The following CLVS1 variants were observed in gnomAD, a reference collection of about 807,000 sequenced individuals.
The protein encoded by CLVS1 is clavesin-1.
Under a neutral mutation model 33.1 loss-of-function variants are expected in CLVS1, and 10 were observed. The ratio of observed to expected loss-of-function variants is 0.30; its 90% confidence interval spans 0.19 to 0.51. The LOEUF (loss-of-function observed/expected upper bound fraction) is 0.51. Among genes scored for constraint, CLVS1 ranks in the 20% least tolerant of loss-of-function variants. CLVS1 has a pLI of 0.97. For synonymous variants in CLVS1, 163 were observed against 166.1 expected, an observed-to-expected ratio of 0.98 and a Z score of 0.14; for missense variants, 343 against 433.4, an observed-to-expected ratio of 0.79 and a Z score of 1.85.
At chr8:61,026,818 TTAAACTCTGTGGA>T in the CLVS1 span, among the ~76,000 whole-genome samples, 2 of 152,134 alleles carry the variant, frequency 1.3e-5, no homozygotes, top group Admixed American at 1.3e-4. Flanking sequence ...TGGAACAGAG[TTAAACTCTGTGGA>T]CCTGCAAATT....
the CLVS1 span, among the ~76,000 whole-genome samples, chr8:61,015,392 A>C: frequency 6.6e-6 from 1 of 152,302 alleles, no homozygotes; most frequent in Non-Finnish European, 1.5e-5. Flanking sequence ...GTTATATCCA[A>C]TGGTTTGTAT....
chr8:61,417,991 TA>T (rs1192865254), intron 3 of CLVS1, among the ~76,000 whole-genome samples: 3 of 152,214 alleles, frequency 2.0e-5, no homozygotes, highest in Non-Finnish European at 4.4e-5. Flanking sequence ...CCCTAAATCC[TA>T]ATAAGTTGCA....
intron 3 of CLVS1, among the ~76,000 whole-genome samples, chr8:61,405,883 G>T (rs1456341627): frequency 6.6e-6 from 1 of 151,924 alleles, no homozygotes; most frequent in Non-Finnish European, 1.5e-5. Context: ...CCTCTAAAGT[G>T]GTCTCATGGA....
chr8:61,199,063 T>C lies in CLVS1; in HGVS notation c.-152+67203T>C, dbSNP rs547064876. Among the ~76,000 whole-genome samples, 16 of 152,290 alleles carry C rather than the reference T, an allele frequency of 1.1e-4. No individual in the cohort carries two copies. The South Asian group carries it at 3.3e-3, about 32-fold the overall frequency. On this transcript the variant is annotated intron_variant, in intron 2 of 2. Transcript: ENST00000522621. ...AGGGTCTTTTTGGTATAATGACCTA[T>C]TTTCCTTTGGGCAGATACTCCGTAG...
rs201767040 is a variant in CLVS1, at chr8:61,478,310, A to G, written c.977+19768A>G. On this transcript the variant is annotated intron_variant, in intron 5 of 5. Coordinates refer to ENST00000325897, the MANE Select transcript of CLVS1 (RefSeq NM_173519.3). Reference sequence around the variant, plus strand: ...TATATTCTGTTGATTTGGGGTGGAGAGTTCTGTAGATGTCTATTAGGTCCA... The same window carrying G: ...TATATTCTGTTGATTTGGGGTGGAGGGTTCTGTAGATGTCTATTAGGTCCA... 1.2e-4 allele frequency among the ~76,000 whole-genome samples: 19 copies of G among 152,176 alleles called. No homozygotes were observed. In the East Asian group the frequency reaches 2.7e-3, roughly 22 times the overall value.
At chr8:61,232,024 T>TTTGTTTGTTTGTTTTG in intron 2 of CLVS1, among the ~76,000 whole-genome samples, 2 of 93,566 alleles carry the variant, frequency 2.1e-5, no homozygotes, top group African/African-American at 4.3e-5. Flanking sequence ...AAAGTTGTGG[T>TTTGTTTGTTTGTTTTG]TTTTTTTTTT....
chr8:61,284,912 A>G (rs901677959), upstream of CLVS1, among the ~76,000 whole-genome samples: 6 of 152,220 alleles, frequency 3.9e-5, no homozygotes, highest in African/African-American at 1.4e-4. Context: ...AGAGACTCAC[A>G]TACATTATGA....
At chr8:61,230,049 G>C (rs1164408001) in intron 2 of CLVS1, among the ~76,000 whole-genome samples, 1 of 152,182 alleles carries the variant, frequency 6.6e-6, no homozygotes, top group Non-Finnish European at 1.5e-5. Flanking sequence ...GAAGCTCTCT[G>C]TTACCAATGA....
At position 61,250,739 on chromosome 8, in the gene CLVS1, A is replaced by G. The variant is rs1808925522; in HGVS notation, c.-151-48938A>G. On this transcript the variant is annotated intron_variant, in intron 2 of 2. Transcript: ENST00000522621. ...TGTTTGTCTGTTATTGGTGTAAAGG[A>G]ATGCATGTGATTTTTGCACATTGAT... is the stretch of plus-strand genomic sequence containing the variant. Among the ~76,000 whole-genome samples the G allele has an allele frequency of 3.3e-5, 5 of 152,158 alleles. No homozygotes were observed. The South Asian group carries it at 1.0e-3, about 32-fold the overall frequency.
chr8:61,464,972 G>A (rs1216146624), intron 5 of CLVS1: 3 of 152,162 alleles, frequency 2.0e-5, no homozygotes, highest in African/African-American at 7.2e-5. Flanking sequence ...AACAGAATTG[G>A]AAGAGACCTT....
rs143815494 is a variant in CLVS1 at position 61,414,618 on chromosome 8, T to C, written c.630+37839T>C. ...TAGGTCAGAGTCTCCCAGACTGTTA[T>C]AAGGGACCAGCTCTTCTTACCTTTG... On this transcript the variant is annotated intron_variant, in intron 3 of 5. Transcript: ENST00000325897. Among the ~76,000 whole-genome samples the C allele has an allele frequency of 1.4e-3, 215 of 152,286 alleles. 1 individual carries two copies. The highest frequency in any genetic ancestry group is 4.9e-3 in the African/African-American group (204 of 41,558).
intron 3 of CLVS1, among the ~76,000 whole-genome samples, chr8:61,418,913 A>C (rs1815545709): frequency 6.6e-6 from 1 of 152,200 alleles, no homozygotes; most frequent in African/African-American, 2.4e-5. Flanking sequence ...CAACAATGTG[A>C]GGACCCAGGG....
the CLVS1 span, among the ~76,000 whole-genome samples, chr8:61,024,120 A>T: frequency 6.6e-6 from 1 of 152,186 alleles, no homozygotes; most frequent in Non-Finnish European, 1.5e-5. Context: ...TGATGCCAAA[A>T]AGTCCCCCAG....
At chr8:61,157,829 A>T (rs1462745528) in intron 2 of CLVS1, among the ~76,000 whole-genome samples, 1 of 152,196 alleles carries the variant, frequency 6.6e-6, no homozygotes, top group Non-Finnish European at 1.5e-5. Flanking sequence ...TAAAGCCATA[A>T]TGAGATGCAA....
At chr8:61,355,588 C>T (rs570748573) in intron 2 of CLVS1, among the ~76,000 whole-genome samples, 80 of 152,252 alleles carry the variant, frequency 5.3e-4, no homozygotes, top group Admixed American at 8.5e-4. Context: ...CAACAGTCCC[C>T]AGAGCCTGAT....
At chr8:61,356,179 T>C (rs1231791137) in intron 2 of CLVS1, among the ~76,000 whole-genome samples, 1 of 152,064 alleles carries the variant, frequency 6.6e-6, no homozygotes, top group African/African-American at 2.4e-5. Context: ...GATGAGCATT[T>C]TTTCATGTGT....
At position 61,394,070 on chromosome 8, in the gene CLVS1, G is replaced by A. The variant is rs182624365; in HGVS notation, c.630+17291G>A. ...TCACTTATGATTAGAATGATAGCCT[G>A]GCACGGTGGCTCACGCCTCTAATCC... On this transcript the variant is annotated intron_variant, in intron 3 of 5. Coordinates refer to ENST00000325897, the MANE Select transcript of CLVS1 (RefSeq NM_173519.3). Among the ~76,000 whole-genome samples the A allele has an allele frequency of 1.6e-3, 247 of 152,280 alleles. 1 individual carries two copies. Among genetic ancestry groups the A allele is most frequent in the African/African-American group, 5.5e-3 (228 of 41,562 alleles).
At chr8:61,186,010 G>A (rs1027823328) in intron 2 of CLVS1, among the ~76,000 whole-genome samples, 2 of 152,146 alleles carry the variant, frequency 1.3e-5, no homozygotes, top group Non-Finnish European at 2.9e-5. Flanking sequence ...ATGGAGATAA[G>A]GACAGAGTAA....
At chr8:61,280,594 A>G (rs1377288195) in intron 2 of CLVS1, among the ~76,000 whole-genome samples, 1 of 152,258 alleles carries the variant, frequency 6.6e-6, no homozygotes, top group African/African-American at 2.4e-5. Context: ...TAGTAAGACC[A>G]TTAAATATCT....
Sources: gnomAD v4.1 joint callset for allele counts (sites outside exome capture counted in the v4.1 genomes callset) on GRCh38, gnomAD v4.1.1 for gene constraint, MANE v1.5 for transcripts, NCBI Gene and HGNC (gene_info 2026-07-23, HGNC 2026-07-21) for gene names.